Variants in ATRX observed in about 807,000 individuals in gnomAD.
The protein encoded by ATRX is chromatin remodeler ATRX.
In ATRX, 12 loss-of-function variants were observed where a neutral mutation model predicts 172.6. The ratio of observed to expected loss-of-function variants is 0.07; its 90% CI spans 0.04 to 0.11. The LOEUF (loss-of-function observed/expected upper bound fraction) is 0.11. ATRX is among the 10% of genes least tolerant of loss of function. ATRX has a pLI of 1.00. For missense variants in ATRX, 1,368 were observed against 1,767.4 expected (o/e 0.77, Z 4.05); for synonymous variants, 674 against 594.7 (o/e 1.13, Z -1.94).
intron 19 of ATRX, among the ~76,000 whole-genome samples, chrX:77,625,529 A>G (rs2067792786): frequency 8.9e-6 from 1 of 112,766 alleles, no homozygotes; most frequent in Admixed American, 9.3e-5. Flanking sequence ...ATCTACAATG[A>G]ACTCAAACAA....
chrX:77,714,438 T>C (rs1557163519), intron 2 of ATRX, among the ~76,000 whole-genome samples: 3 of 111,971 alleles, frequency 2.7e-5, no homozygotes, highest in Non-Finnish European at 5.6e-5. Context: ...TATTAAGTTT[T>C]GATAATAAAA....
chrX:77,778,461 G>A (rs1254794751), intron 1 of ATRX, among the ~76,000 whole-genome samples: 2 of 106,760 alleles, frequency 1.9e-5, no homozygotes, highest in African/African-American at 3.4e-5. Context: ...GGTGGCTCAC[G>A]CCTGTAATCC....
At chrX:77,718,787 A>G (rs1282390025) in intron 1 of ATRX, among the ~76,000 whole-genome samples, 1 of 110,445 alleles carries the variant, frequency 9.1e-6, no homozygotes, top group African/African-American at 3.3e-5. Context: ...TTTTCCTTAG[A>G]GTTAGCCTCT....
At chrX:77,582,323 C>A (rs1177160889) in intron 27 of ATRX, among the ~76,000 whole-genome samples, 5 of 108,676 alleles carry the variant, frequency 4.6e-5, no homozygotes, top group African/African-American at 1.7e-4. Context: ...TCATTTGAAC[C>A]TGAGAGGCAG....
At chrX:77,576,495 G>GT (rs1489080709) in intron 27 of ATRX, among the ~76,000 whole-genome samples, 2 of 110,977 alleles carry the variant, frequency 1.8e-5, no homozygotes, top group Non-Finnish European at 3.8e-5. Flanking sequence ...AAAAGTGCAA[G>GT]TATATACCTA....
chrX:77,523,477 C>A lies in ATRX; in HGVS notation c.6700-76G>T, dbSNP rs370988068. ...TATAATATCTCCATAGTTCTATGGTCAACTGTACTAGAAACTAAAACCTGA... is the reference window on the plus strand; with the variant it reads ...TATAATATCTCCATAGTTCTATGGTAAACTGTACTAGAAACTAAAACCTGA... On this transcript the variant is annotated intron_variant, in intron 30 of 34. Transcript: ENST00000373344. 1,635 of 1,026,751 alleles carry A rather than the reference C, an allele frequency of 1.6e-3. 15 individuals are homozygous for A. The South Asian group carries it at 0.03, about 19-fold the overall frequency. The allele number at this position is 1,026,751 out of a possible 1,213,427, so 84.6% of individuals were successfully genotyped here.
chrX:77,711,517 T>C, intron 2 of ATRX, among the ~76,000 whole-genome samples: 1 of 112,241 alleles, frequency 8.9e-6, no homozygotes, highest in Non-Finnish European at 1.9e-5. Flanking sequence ...GTTAAGCAAG[T>C]TCACAGGATA....
intron 27 of ATRX, among the ~76,000 whole-genome samples, chrX:77,576,801 C>T (rs1174610618): frequency 9.0e-6 from 1 of 111,648 alleles, no homozygotes; most frequent in African/African-American, 3.3e-5. Context: ...CCCTGGCAAA[C>T]ACCATTCTAT....
intron 9 of ATRX, among the ~76,000 whole-genome samples, chrX:77,679,142 G>A (rs976307419): frequency 5.4e-5 from 6 of 110,713 alleles, no homozygotes; most frequent in African/African-American, 1.6e-4. Flanking sequence ...TTTTTACAGC[G>A]CTTATTTTCA....
At chrX:77,616,155 T>C in intron 22 of ATRX, 2 of 780,627 alleles carry the variant, frequency 2.6e-6, no homozygotes, top group Non-Finnish European at 3.0e-6. Context: ...TGTTAGCATT[T>C]TGGTGTATTT....
At chrX:77,633,053 T>C (rs1387809566) in intron 19 of ATRX, among the ~76,000 whole-genome samples, 154 bp downstream of exon 19, 7 of 112,370 alleles carry the variant, frequency 6.2e-5, no homozygotes, top group Admixed American at 2.8e-4. Flanking sequence ...TTTTATTCTA[T>C]TGAAATACTA....
chrX:77,514,754 C>T (rs1557038361), intron 34 of ATRX, among the ~76,000 whole-genome samples: 1 of 112,267 alleles, frequency 8.9e-6, no homozygotes, highest in Non-Finnish European at 1.9e-5. Context: ...CAAAAATGGA[C>T]AAATGAGATC....
At chrX:77,731,621 C>A (rs781955755) in intron 1 of ATRX, among the ~76,000 whole-genome samples, 1 of 111,537 alleles carries the variant, frequency 9.0e-6, no homozygotes, top group East Asian at 2.8e-4. Context: ...CTTCTACAGC[C>A]TGCCCCGCCC....
At chrX:77,636,896 A>G (rs868962007) in intron 15 of ATRX, among the ~76,000 whole-genome samples, 1 of 95,322 alleles carries the variant, frequency 1.0e-5, no homozygotes, top group Non-Finnish European at 2.1e-5. Flanking sequence ...GAAGAAGAAG[A>G]AAGAAGAAGA....
chrX:77,585,212 T>C (rs2065961126), intron 27 of ATRX, among the ~76,000 whole-genome samples: 1 of 110,313 alleles, frequency 9.1e-6, no homozygotes, highest in Admixed American at 9.7e-5. Flanking sequence ...GGAACACAAA[T>C]TAGTAAAACC....
chrX:77,580,063 C>CA (rs781859583), intron 27 of ATRX, among the ~76,000 whole-genome samples: 2 of 111,010 alleles, frequency 1.8e-5, no homozygotes, highest in South Asian at 7.6e-4. Context: ...ATTGATAAAG[C>CA]AAAAGAAAGA....
In ATRX at chrX:77,506,789, G is replaced by A. The variant is rs1602297238; in HGVS notation, c.*1562C>T. 1 of 167,973 alleles carries A rather than the reference G, an allele frequency of 6.0e-6. No homozygotes were observed. Among genetic ancestry groups the A allele is most frequent in the African/African-American group, 3.1e-5 (1 of 32,728 alleles). 13.8% of individuals were successfully genotyped at this position (167,973 alleles called of 1,213,427 possible). ...GATGTTTTACCACTAGTTCTTCCAAGATAAAAATGGCAATCTCTTAATCAT... is the reference window on the plus strand; with the variant it reads ...GATGTTTTACCACTAGTTCTTCCAAAATAAAAATGGCAATCTCTTAATCAT... On this transcript the variant is annotated 3_prime_UTR_variant, in exon 35 of 35. Transcript: ENST00000373344.
chrX:77,613,093 ATTC>A (rs781860084), intron 22 of ATRX, among the ~76,000 whole-genome samples: 6 of 110,641 alleles, frequency 5.4e-5, no homozygotes, highest in African/African-American at 1.3e-4. Flanking sequence ...CCTGCTTTCA[ATTC>A]TTCTGGGTAT....
At chrX:77,544,426 T>A (rs1299860368) in intron 30 of ATRX, among the ~76,000 whole-genome samples, 3 of 111,398 alleles carry the variant, frequency 2.7e-5, no homozygotes, top group East Asian at 2.8e-4. Flanking sequence ...TCTTTTTTTT[T>A]ATTATTATAC....
Sources: allele counts gnomAD v4.1 joint callset (sites outside exome capture counted in the v4.1 genomes callset), GRCh38; gene constraint gnomAD v4.1.1; transcripts MANE v1.5; gene names NCBI Gene and HGNC (gene_info 2026-07-23, HGNC 2026-07-21).